TMED2: variants seen among roughly 807,000 people sequenced by gnomAD.
TMED2 encodes transmembrane emp24 domain-containing protein 2.
TMED2 carries 3 observed loss-of-function variants against 17.5 expected under a neutral mutation model. The ratio of observed to expected loss-of-function variants is 0.17; its 90% confidence interval spans 0.08 to 0.44. The LOEUF (loss-of-function observed/expected upper bound fraction) is 0.44. Among genes scored for constraint, TMED2 ranks in the 20% least tolerant of loss-of-function variants. The pLI, the probability that TMED2 is intolerant of heterozygous loss-of-function variation, is 0.99. For missense variants in TMED2, 149 were observed against 254.8 expected, an observed-to-expected ratio of 0.58 and a Z score of 2.83; for synonymous variants, 95 against 91.0, an observed-to-expected ratio of 1.04 and a Z score of -0.25.
chr12:123,586,999 A>C (rs1953352735), intron 2 of TMED2, 60 bp downstream of exon 2: 1 of 1,440,646 alleles, frequency 6.9e-7, no homozygotes. Context: ...AGTTCTATAC[A>C]TTTTTACCTG....
chr12:123,584,698 A>G lies in TMED2; in HGVS notation c.62A>G (p.Tyr21Cys). The G allele has an allele frequency of 1.2e-6, 2 of 1,613,746 alleles. No individual in the cohort carries two copies. The highest frequency in any genetic ancestry group is 1.7e-6 in the Non-Finnish European group (2 of 1,179,860). ...LAALLATVSG[Y>C]FVSIDAHAEE... The stretch of plus-strand genomic sequence containing the variant: ...GCTCTCCTGGCCACGGTCTCGGGCT[A>G]TTTCGTTAGCATCGACGCCCATGCT... Residue 21 changes from tyrosine to cysteine, a missense_variant, in exon 1 of 4, where the codon TAT (tyrosine) becomes TGT (cysteine). Transcript: ENST00000262225.
At chr12:123,593,866 G>A (rs902340620) in intron 3 of TMED2, among the ~76,000 whole-genome samples, 3 of 151,988 alleles carry the variant, frequency 2.0e-5, no homozygotes, top group African/African-American at 7.3e-5. Flanking sequence ...TGACAATACA[G>A]CTCACTGCAG....
At position 123,598,503 on chromosome 12, in the gene TMED2, T is replaced by C. The variant is rs1953447847; in HGVS notation, c.*1774T>C. 1 of 152,258 alleles carries C rather than the reference T, an allele frequency of 6.6e-6. No individual in the cohort carries two copies. The highest frequency in any genetic ancestry group is 2.4e-5 in the African/African-American group (1 of 41,470). The allele number at this position is 152,258 out of a possible 1,614,324, so 9.4% of individuals were successfully genotyped here. On this transcript the variant is annotated 3_prime_UTR_variant, in exon 4 of 4. Transcript: ENST00000262225. ...AAGAGTGAAAGGTGGAACCGGAGAC[T>C]AGATCACCACCTGTAGAAACTGTTC...
At chr12:123,584,895 C>T in intron 1 of TMED2, 79 bp downstream of exon 1, 1 of 1,552,746 alleles carries the variant, frequency 6.4e-7, no homozygotes, top group Non-Finnish European at 8.7e-7. Context: ...CGGCGCGGGG[C>T]CTGTGTGGGG....
rs1593634922 is a variant in TMED2 at position 123,584,570 on chromosome 12, C to T, written c.-67C>T. On this transcript the variant is annotated 5_prime_UTR_variant, in exon 1 of 4. Coordinates refer to ENST00000262225, the MANE Select transcript of TMED2 (RefSeq NM_006815.4). Reference sequence around the variant, plus strand: ...GGTGGCTGAGAAGGCAGCGGGGCGGCGGCGGCGGCGGCGGCGGCGGCTGTG... The same window carrying T: ...GGTGGCTGAGAAGGCAGCGGGGCGGTGGCGGCGGCGGCGGCGGCGGCTGTG... 5.9e-6 allele frequency: 7 copies of T among 1,179,744 alleles called. No individual in the cohort carries two copies. The highest frequency in any genetic ancestry group is 1.6e-5 in the African/African-American group (1 of 62,576). 73.1% of individuals were successfully genotyped at this position (1,179,744 alleles called of 1,614,324 possible). A position where few individuals can be genotyped will look rare whatever the true frequency, so the allele number is the denominator to read the frequency against.
At chr12:123,595,437 A>T (rs555772360) in intron 3 of TMED2, among the ~76,000 whole-genome samples, 104 of 152,256 alleles carry the variant, frequency 6.8e-4, no homozygotes, top group Admixed American at 1.3e-3. Context: ...TTCCATTGAG[A>T]ACAATTGACA....
Position 123,596,615 on chromosome 12 carries a change from C to T in TMED2, c.492C>T (p.Asn164=), listed in dbSNP as rs754325655. The change falls in exon 4 of 4, where the codon AAC becomes AAT. Residue 164 remains asparagine, a synonymous_variant. Transcript: ENST00000262225. ...TTTTGTCCTCAACAGTCAACGACAA[C>T]ACAAACAGCAGAGTGGTCCTTTGGT... ...RERIHRAIND[N]TNSRVVLWSF... The T allele has an allele frequency of 1.2e-6, 2 of 1,604,786 alleles. No individual in the cohort carries two copies. Among genetic ancestry groups the T allele is most frequent in the East Asian group, 2.2e-5 (1 of 44,546 alleles).
At position 123,584,755 on chromosome 12, in the gene TMED2, G is replaced by T; in HGVS notation, c.119G>T (p.Gly40Val). Residue 40 changes from glycine to valine, a missense_variant, in exon 1 of 4, where the codon GGC (glycine) becomes GTC (valine). Gly to Val is a moderately radical substitution (Grantham distance 109). Coordinates refer to ENST00000262225, the MANE Select transcript of TMED2 (RefSeq NM_006815.4). ...EECFFERVTS[G>V]TKMGLIFEVA... ...TGCTTCTTTGAGCGGGTCACCTCGG[G>T]CACCAAGATGGGCCTCATCTTCGAG... 1 of 1,613,568 alleles carries T rather than the reference G, an allele frequency of 6.2e-7. No homozygotes were observed. The highest frequency in any genetic ancestry group is 8.5e-7 in the Non-Finnish European group (1 of 1,179,894).
chr12:123,588,648 G>A (rs1357688937), intron 2 of TMED2, among the ~76,000 whole-genome samples: 6 of 152,192 alleles, frequency 3.9e-5, no homozygotes, highest in Admixed American at 6.5e-5. Context: ...TAAAGCAGTG[G>A]TTCTCAAGTG....
rs1396484478 is a variant in TMED2 at position 123,598,014 on chromosome 12, C to A, written c.*1285C>A. ...TAATGAGGTGACTTTCACCTTAGGA[C>A]AACTGTTGCATGCCAAGTTTTTTGT... On this transcript the variant is annotated 3_prime_UTR_variant, in exon 4 of 4. Coordinates refer to ENST00000262225, the MANE Select transcript of TMED2 (RefSeq NM_006815.4). The A allele has an allele frequency of 6.6e-6, 1 of 152,480 alleles. No individual in the cohort carries two copies. The highest frequency in any genetic ancestry group is 6.6e-5 in the Admixed American group (1 of 15,238). 9.4% of individuals were successfully genotyped at this position (152,480 alleles called of 1,614,324 possible).
In TMED2 at chr12:123,597,100, CTGCA is replaced by C; in HGVS notation, c.*373_*376del. On this transcript the variant is annotated 3_prime_UTR_variant, in exon 4 of 4. Coordinates refer to ENST00000262225, the MANE Select transcript of TMED2 (RefSeq NM_006815.4). ...GCCTGATAGTACTTTACTAAAATGA[CTGCA>C]TTCTTTGGATTCCTTCAGTCTATGG... 1 of 154,228 alleles carries C rather than the reference CTGCA, an allele frequency of 6.5e-6. No individual in the cohort carries two copies. Among genetic ancestry groups the C allele is most frequent in the Non-Finnish European group, 1.4e-5 (1 of 69,390 alleles). 9.6% of individuals were successfully genotyped at this position (154,228 alleles called of 1,614,324 possible). A position where few individuals can be genotyped will look rare whatever the true frequency, so the allele number is the denominator to read the frequency against.
intron 1 of TMED2, chr12:123,586,502 C>A: frequency 4.1e-6 from 1 of 244,908 alleles, no homozygotes; most frequent in Non-Finnish European, 8.0e-6. Flanking sequence ...AGGCGTGCGC[C>A]ACCATGCCCG....
At chr12:123,586,671 C>T in intron 1 of TMED2, 76 bp from the exon 2 acceptor site, 4 of 1,403,074 alleles carry the variant, frequency 2.9e-6, no homozygotes, top group South Asian at 1.6e-5. Flanking sequence ...GAATTTCTTA[C>T]TGCCATTAGA....
intron 1 of TMED2, chr12:123,585,027 C>T (rs1408659488): frequency 1.0e-5 from 6 of 589,102 alleles, no homozygotes; most frequent in Admixed American, 3.1e-5. Context: ...GTTCCGGGAT[C>T]CCTTGGGGGC....
rs1159788306 is a variant in TMED2, at chr12:123,584,614, C to T, written c.-23C>T. On this transcript the variant is annotated 5_prime_UTR_variant, in exon 1 of 4. Transcript: ENST00000262225. ...GGCTGTGGAGGCCGCAGTCCGGGTC[C>T]TGGCTTCGGCCTCAGCCCCACCATG... is the stretch of plus-strand genomic sequence containing the variant. The T allele has an allele frequency of 4.4e-6, 7 of 1,601,148 alleles. No homozygotes were observed. The highest frequency in any genetic ancestry group is 2.2e-5 in the South Asian group (2 of 90,582).
intron 3 of TMED2, among the ~76,000 whole-genome samples, chr12:123,591,452 C>G (rs1953391825): frequency 6.6e-6 from 1 of 152,170 alleles, no homozygotes; most frequent in African/African-American, 2.4e-5. Flanking sequence ...CACCATTGTT[C>G]AGTGTTTTCA....
chr12:123,598,458 A>AT lies in TMED2; in HGVS notation c.*1732dup, dbSNP rs1279033073. 1 of 152,312 alleles carries AT rather than the reference A, an allele frequency of 6.6e-6. No homozygotes were observed. The highest frequency in any genetic ancestry group is 1.9e-4 in the East Asian group (1 of 5,192). The allele number at this position is 152,312 out of a possible 1,614,324, so 9.4% of individuals were successfully genotyped here. On this transcript the variant is annotated 3_prime_UTR_variant, in exon 4 of 4. Coordinates refer to ENST00000262225, the MANE Select transcript of TMED2 (RefSeq NM_006815.4). Reference sequence around the variant, plus strand: ...AATAGCTTCAAAGACAGATTAAATGATTTGCCCAAGGCCACAGAAAAGAGT... The same window carrying AT: ...AATAGCTTCAAAGACAGATTAAATGATTTTGCCCAAGGCCACAGAAAAGAGT...
chr12:123,588,815 C>T (rs1034694239), intron 2 of TMED2, among the ~76,000 whole-genome samples: 7 of 152,162 alleles, frequency 4.6e-5, no homozygotes, highest in Non-Finnish European at 1.5e-5. Flanking sequence ...AGCATTTGGT[C>T]CAAAATGGAG....
At chr12:123,588,775 T>C (rs1057361946) in intron 2 of TMED2, among the ~76,000 whole-genome samples, 5 of 152,124 alleles carry the variant, frequency 3.3e-5, no homozygotes, top group African/African-American at 1.2e-4. Flanking sequence ...TACCCTATAG[T>C]GCATCAGATA....
Sources: gnomAD v4.1 joint callset for allele counts (sites outside exome capture counted in the v4.1 genomes callset) on GRCh38, gnomAD v4.1.1 for gene constraint, MANE v1.5 for transcripts, NCBI Gene and HGNC (gene_info 2026-07-23, HGNC 2026-07-21) for gene names.